Variants in RECQL observed in about 807,000 individuals in gnomAD.
RECQL encodes RecQ like helicase, also known as ATP-dependent DNA helicase Q1.
RECQL carries 73 observed loss-of-function variants against 75.8 expected under a neutral mutation model. The observed-to-expected ratio is 0.96, with a 90% CI of 0.80 to 1.17. The LOEUF is 1.17. Among genes scored for constraint, RECQL ranks in the 50% most tolerant of loss-of-function variants. The probability of loss-of-function intolerance (pLI) is 0.00; values close to 1 mark genes in which losing one functional copy is unlikely to be tolerated. For synonymous variants in RECQL, 248 were observed against 254.4 expected, an observed-to-expected ratio of 0.97 and a Z score of 0.24; for missense variants, 699 against 772.1, an observed-to-expected ratio of 0.91 and a Z score of 1.12.
rs188829568 is a variant in RECQL, at chr12:21,486,818, C to G, written c.395-233G>C. Among the ~76,000 whole-genome samples the G allele has an allele frequency of 2.0e-3, 299 of 151,930 alleles. 1 individual carries two copies. Among genetic ancestry groups the G allele is most frequent in the Admixed American group, 3.5e-3 (53 of 15,246 alleles). ...CCCGAGTAGCTGGGACTACAGGCAC[C>G]TGCTGCCATGCCTGGCTAATTTCTT... On this transcript the variant is annotated intron_variant, in intron 4 of 14. Coordinates refer to ENST00000444129, the MANE Select transcript of RECQL (RefSeq NM_002907.4).
intron 2 of RECQL, among the ~76,000 whole-genome samples, chr12:21,494,246 T>A (rs1005359847): frequency 6.6e-6 from 1 of 152,128 alleles, no homozygotes; most frequent in Non-Finnish European, 1.5e-5. Context: ...TCATGAGGGA[T>A]CCTGCTCCAT....
intron 4 of RECQL, 36 bp downstream of exon 4, chr12:21,490,163 C>A: frequency 7.9e-7 from 1 of 1,259,494 alleles, no homozygotes; most frequent in Non-Finnish European, 1.1e-6. Flanking sequence ...TGACAAAGCA[C>A]TTCTTCAACT....
chr12:21,475,935 G>T (rs1378171423), intron 8 of RECQL, 111 bp from the exon 9 acceptor site: 8 of 897,062 alleles, frequency 8.9e-6, no homozygotes, highest in Non-Finnish European at 1.3e-5. Context: ...AGGAAAAAAA[G>T]AATTATGAAA....
At chr12:21,499,491 T>C in intron 2 of RECQL, 64 bp downstream of exon 2, 1 of 1,412,302 alleles carries the variant, frequency 7.1e-7, no homozygotes, top group Non-Finnish European at 9.6e-7. Flanking sequence ...AACAAACTTT[T>C]TCAAATATCA....
At chr12:21,471,906 A>G (rs965073476) in intron 12 of RECQL, among the ~76,000 whole-genome samples, 4 of 152,074 alleles carry the variant, frequency 2.6e-5, no homozygotes, top group African/African-American at 7.2e-5. Flanking sequence ...GCCCTGCCAT[A>G]TACTCTAGAA....
At chr12:21,495,052 T>C (rs1361260132) in intron 2 of RECQL, among the ~76,000 whole-genome samples, 1 of 152,122 alleles carries the variant, frequency 6.6e-6, no homozygotes, top group Non-Finnish European at 1.5e-5. Context: ...GAAACGGAAA[T>C]AGATTACTTG....
At chr12:21,472,944 C>T (rs546143973) in intron 12 of RECQL, among the ~76,000 whole-genome samples, 1 of 152,094 alleles carries the variant, frequency 6.6e-6, no homozygotes, top group African/African-American at 2.4e-5. Context: ...AAATATTTTC[C>T]TTCATTTATT....
intron 4 of RECQL, 51 bp from the exon 5 acceptor site, chr12:21,486,636 A>G (rs1434413576): frequency 7.7e-6 from 6 of 778,356 alleles, no homozygotes; most frequent in Non-Finnish European, 1.0e-5. Context: ...CCACCCTCAG[A>G]ATCAGATGCA....
Position 21,501,517 on chromosome 12 carries a change from G to T in RECQL, c.-393C>A. 4.6e-6 allele frequency: 1 copy of T among 219,484 alleles called. No individual in the cohort carries two copies. The highest frequency in any genetic ancestry group is 9.3e-6 in the Non-Finnish European group (1 of 107,386). 13.6% of individuals were successfully genotyped at this position (219,484 alleles called of 1,614,324 possible). ...TGACTGTCCGGTGTCCGACTGTCCT[G>T]TGTCCGACTCTCCGATCTCCGACTC... On this transcript the variant is annotated 5_prime_UTR_variant, in exon 1 of 15. Transcript: ENST00000444129.
At position 21,471,003 on chromosome 12, in the gene RECQL, A is replaced by G; in HGVS notation, c.1763T>C (p.Met588Thr). ...LLNNEAHAIT[M>T]QVTKSTQNSF... ...GTTCTGCGTGGACTTTGTCACTTGCATAGTAATAGCATGTGCCTCATTGTT... is the reference window on the plus strand; with the variant it reads ...GTTCTGCGTGGACTTTGTCACTTGCGTAGTAATAGCATGTGCCTCATTGTT... Residue 588 changes from methionine to threonine, a missense_variant, in exon 14 of 15, where the codon ATG becomes ACG. Around this residue, in one of 2 missense-constraint regions of RECQL, gnomAD observed 669 missense variants for 713.5 expected, o/e 0.94. Coordinates refer to ENST00000444129, the MANE Select transcript of RECQL (RefSeq NM_002907.4). 6.4e-7 allele frequency: 1 copy of G among 1,569,498 alleles called. No individual in the cohort carries two copies. Among genetic ancestry groups the G allele is most frequent in the Non-Finnish European group, 8.6e-7 (1 of 1,163,286 alleles).
At chr12:21,473,680 A>ATCCTT in intron 11 of RECQL, 38 bp from the exon 12 acceptor site, 1 of 1,542,650 alleles carries the variant, frequency 6.5e-7, no homozygotes, top group Non-Finnish European at 8.9e-7. Flanking sequence ...ATTAAAGGAT[A>ATCCTT]TAATAAAGTT....
At chr12:21,475,248 G>A (rs1943060541) in intron 10 of RECQL, among the ~76,000 whole-genome samples, 1 of 151,932 alleles carries the variant, frequency 6.6e-6, no homozygotes, top group African/African-American at 2.4e-5. Flanking sequence ...AGGCAAAGAT[G>A]AACATCAAAT....
rs1942859754 is a variant in RECQL at position 21,469,035 on chromosome 12, T to C, written c.*1159A>G. ...AACATAAATATGTTTACTTGTGATTTAGCTTTGGAGCAAATTTAGGTAAGT... is the reference window on the plus strand; with the variant it reads ...AACATAAATATGTTTACTTGTGATTCAGCTTTGGAGCAAATTTAGGTAAGT... On this transcript the variant is annotated 3_prime_UTR_variant, in exon 15 of 15. Transcript: ENST00000444129. 3 of 280,844 alleles carry C rather than the reference T, an allele frequency of 1.1e-5. No homozygotes were observed. The South Asian group carries it at 1.3e-4, about 12-fold the overall frequency. The allele number at this position is 280,844 out of a possible 1,614,324, so 17.4% of individuals were successfully genotyped here. A position where few individuals can be genotyped will look rare whatever the true frequency, so the allele number is the denominator to read the frequency against.
chr12:21,473,179 CGTATATGCCA>C (rs1943015544), intron 12 of RECQL, among the ~76,000 whole-genome samples: 2 of 152,072 alleles, frequency 1.3e-5, no homozygotes, highest in Admixed American at 6.6e-5. Flanking sequence ...TGATGGACCA[CGTATATGCCA>C]GTGGTCCCAA....
intron 4 of RECQL, 36 bp downstream of exon 4, chr12:21,490,163 C>G: frequency 7.9e-7 from 1 of 1,259,494 alleles, no homozygotes; most frequent in Non-Finnish European, 1.1e-6. Context: ...TGACAAAGCA[C>G]TTCTTCAACT....
chr12:21,483,453 T>C lies in RECQL; in HGVS notation c.623A>G (p.Tyr208Cys), dbSNP rs2137374083. 5 of 1,606,492 alleles carry C rather than the reference T, an allele frequency of 3.1e-6. No homozygotes were observed. The highest frequency in any genetic ancestry group is 3.5e-5 in the Admixed American group (2 of 57,298). ...KMFMSRLEKA[Y>C]EARRFTRIAV... Reference sequence around the variant, plus strand: ...AATTCGAGTAAATCTCCTTGCTTCATAGGCTTTCTCTAGTCTTGACATAAA... The same window carrying C: ...AATTCGAGTAAATCTCCTTGCTTCACAGGCTTTCTCTAGTCTTGACATAAA... Residue 208 changes from tyrosine to cysteine, a missense_variant, in exon 6 of 15, where the codon TAT becomes TGT. Physicochemically the swap from Tyr to Cys is radical, Grantham distance 194 (BLOSUM62 -2). Transcript: ENST00000444129.
chr12:21,497,031 A>G (rs1285551964), intron 2 of RECQL, among the ~76,000 whole-genome samples: 1 of 152,214 alleles, frequency 6.6e-6, no homozygotes, highest in East Asian at 1.9e-4. Flanking sequence ...GCCATTATCT[A>G]CAGAGAACTA....
chr12:21,488,946 C>T (rs74069250), intron 4 of RECQL, among the ~76,000 whole-genome samples: 1 of 152,308 alleles, frequency 6.6e-6, no homozygotes, highest in African/African-American at 2.4e-5. Context: ...TGTGAATGTT[C>T]TCTCTTGCTT....
At chr12:21,488,958 T>C (rs1471834932) in intron 4 of RECQL, among the ~76,000 whole-genome samples, 2 of 152,198 alleles carry the variant, frequency 1.3e-5, no homozygotes, top group African/African-American at 4.8e-5. Context: ...CTCTTGCTTT[T>C]GGATCTCAAG....
Sources: gnomAD v4.1 joint callset for allele counts (sites outside exome capture counted in the v4.1 genomes callset) on GRCh38, gnomAD v4.1.1 for gene constraint, gnomAD v4.1.1 regional missense constraint, MANE v1.5 for transcripts, NCBI Gene and HGNC (gene_info 2026-07-23, HGNC 2026-07-21) for gene names.